MSR1: variants seen among roughly 807,000 people sequenced by gnomAD.
MSR1 encodes the protein macrophage scavenger receptor 1.
A neutral mutation model predicts 47.2 loss-of-function variants in MSR1; 53 were observed. The ratio of observed to expected loss-of-function variants is 1.12; its 90% CI spans 0.90 to 1.41. The LOEUF (loss-of-function observed/expected upper bound fraction) is 1.41, where lower values mean the gene tolerates loss of function less well. Among genes scored for constraint, MSR1 ranks in the 40% most tolerant of loss-of-function variants. MSR1 has a pLI of 0.00. For synonymous variants in MSR1, 239 were observed against 185.6 expected (o/e 1.29, Z -2.34); for missense variants, 786 against 546.9 (o/e 1.44, Z -4.36).
intron 6 of MSR1, among the ~76,000 whole-genome samples, chr8:16,153,354 G>A (rs1371982249): frequency 6.6e-6 from 1 of 151,984 alleles, no homozygotes; most frequent in East Asian, 1.9e-4. Flanking sequence ...AAGATGCCTG[G>A]TATTTTGAAT....
At chr8:16,148,674 C>T (rs1025335558) in intron 7 of MSR1, among the ~76,000 whole-genome samples, 2 of 152,000 alleles carry the variant, frequency 1.3e-5, no homozygotes, top group African/African-American at 4.8e-5. Flanking sequence ...AACTGATGAC[C>T]TCAAGTGATC....
intron 4 of MSR1, among the ~76,000 whole-genome samples, chr8:16,166,881 T>G (rs1050843251): frequency 6.6e-6 from 1 of 151,770 alleles, no homozygotes; most frequent in Non-Finnish European, 1.5e-5. Context: ...GTCAATAAAA[T>G]TATTCAAGCA....
At chr8:16,116,076 G>A (rs183503076) in intron 9 of MSR1, among the ~76,000 whole-genome samples, 2 of 152,132 alleles carry the variant, frequency 1.3e-5, no homozygotes, top group South Asian at 2.1e-4. Flanking sequence ...ATGTAATAGC[G>A]ATCTCACTCT....
chr8:16,171,049 C>T (rs1801470660), intron 3 of MSR1, among the ~76,000 whole-genome samples: 1 of 151,884 alleles, frequency 6.6e-6, no homozygotes, highest in African/African-American at 2.4e-5. Context: ...CATGGTGAAA[C>T]CCCGTCTCTA....
rs150131889 is a variant in MSR1 at position 16,177,885 on chromosome 8, C to T, written c.103+1G>A. ...TGGGCAGCCCATCCCCCTCTACTTA[C>T]TCGGAGGAAGCAAAGCTGTCATTGA... On this transcript the variant is annotated splice_donor_variant, in intron 2 of 9. Coordinates refer to ENST00000262101, the MANE Select transcript of MSR1 (RefSeq NM_138715.3). LOFTEE classifies it high-confidence loss of function. 1.2e-6 allele frequency: 2 copies of T among 1,613,358 alleles called. No individual in the cohort carries two copies. The highest frequency in any genetic ancestry group is 1.7e-6 in the Non-Finnish European group (2 of 1,179,414).
intron 1 of MSR1, among the ~76,000 whole-genome samples, chr8:16,178,919 A>G (rs1801741509): frequency 1.3e-5 from 2 of 152,192 alleles, no homozygotes; most frequent in African/African-American, 4.8e-5. Flanking sequence ...TCTGTAATAA[A>G]TAACATTTAA....
chr8:16,189,476 T>TG (rs1459284920), intron 1 of MSR1, among the ~76,000 whole-genome samples: 2 of 726 alleles, frequency 2.8e-3, no homozygotes, highest in Non-Finnish European at 5.2e-3. Flanking sequence ...ATTTTATATA[T>TG]TTTATATATA....
At chr8:16,188,786 T>C (rs1169822654) in intron 1 of MSR1, among the ~76,000 whole-genome samples, 1 of 151,872 alleles carries the variant, frequency 6.6e-6, no homozygotes, top group East Asian at 1.9e-4. Flanking sequence ...CCTCTGTTAG[T>C]TTGCTGAGAA....
At chr8:16,142,280 G>A (rs1800579383) in intron 8 of MSR1, among the ~76,000 whole-genome samples, 1 of 152,090 alleles carries the variant, frequency 6.6e-6, no homozygotes, top group South Asian at 2.1e-4. Context: ...GCAGTGAGCC[G>A]AGATGGTGCC....
intron 9 of MSR1, among the ~76,000 whole-genome samples, chr8:16,119,611 G>C (rs940553428): frequency 1.5e-4 from 23 of 152,224 alleles, no homozygotes; most frequent in African/African-American, 5.1e-4. Context: ...AACACAATGC[G>C]TGGCATATAG....
At chr8:16,184,854 A>G (rs1032847074) in intron 1 of MSR1, among the ~76,000 whole-genome samples, 2 of 152,054 alleles carry the variant, frequency 1.3e-5, no homozygotes, top group African/African-American at 4.8e-5. Flanking sequence ...GTGGATTACT[A>G]TATTTTAAAC....
At chr8:16,139,208 G>C in intron 8 of MSR1, 1 of 914,700 alleles carries the variant, frequency 1.1e-6, no homozygotes, top group East Asian at 1.2e-4. Context: ...TCAGCTTCTT[G>C]CATTTTCATT....
At chr8:16,122,548 T>A (rs1209232439) in intron 8 of MSR1, among the ~76,000 whole-genome samples, 7 of 152,126 alleles carry the variant, frequency 4.6e-5, no homozygotes, top group Non-Finnish European at 1.0e-4. Flanking sequence ...CCTTCCAAAA[T>A]GTCATAAATG....
At chr8:16,126,822 A>C (rs1011072153) in intron 8 of MSR1, among the ~76,000 whole-genome samples, 3 of 152,052 alleles carry the variant, frequency 2.0e-5, no homozygotes, top group Admixed American at 1.3e-4. Context: ...CTCCCAAAGT[A>C]CTGGGATTAC....
At chr8:16,125,346 T>A (rs577902557) in intron 8 of MSR1, among the ~76,000 whole-genome samples, 51 of 152,278 alleles carry the variant, frequency 3.3e-4, no homozygotes, top group Middle Eastern at 3.4e-3. Flanking sequence ...TTAATTAATT[T>A]ATTAATTTAC....
chr8:16,189,358 AT>A (rs1312216166), intron 1 of MSR1, among the ~76,000 whole-genome samples: 17 of 86,402 alleles, frequency 2.0e-4, no homozygotes, highest in African/African-American at 3.7e-4. Flanking sequence ...TATTTTATAT[AT>A]TTTTATATAT....
chr8:16,122,263 C>A (rs1341535122), intron 8 of MSR1, among the ~76,000 whole-genome samples: 1 of 152,052 alleles, frequency 6.6e-6, no homozygotes, highest in East Asian at 1.9e-4. Context: ...GTGGCCCAAT[C>A]ATTTCCTGTA....
chr8:16,162,777 C>A (rs948333315), intron 5 of MSR1, among the ~76,000 whole-genome samples: 1 of 151,866 alleles, frequency 6.6e-6, no homozygotes, highest in African/African-American at 2.4e-5. Flanking sequence ...AAGTTTCTTG[C>A]AGGAGGGACC....
intron 8 of MSR1, among the ~76,000 whole-genome samples, chr8:16,132,574 G>C (rs980439800): frequency 3.9e-5 from 6 of 151,930 alleles, no homozygotes; most frequent in African/African-American, 1.5e-4. Flanking sequence ...TGCAACCCCT[G>C]CCTCCCAGGT....
Sources: allele counts gnomAD v4.1 joint callset (sites outside exome capture counted in the v4.1 genomes callset), GRCh38; gene constraint gnomAD v4.1.1; transcripts MANE v1.5; gene names NCBI Gene and HGNC (gene_info 2026-07-23, HGNC 2026-07-21).